Variants in ABCA6 observed in about 807,000 individuals in gnomAD.
ABCA6 encodes the protein ATP-binding cassette sub-family A member 6.
In ABCA6, 164 loss-of-function variants were observed where a neutral mutation model predicts 191.2. That is an observed-to-expected ratio of 0.86 (90% CI 0.76 to 0.98). The LOEUF is 0.98. Among genes scored for constraint, ABCA6 ranks in the 50% least tolerant of loss-of-function variants. The pLI is 0.00. For missense variants in ABCA6, 1,958 were observed against 1,894.1 expected (o/e 1.03, Z -0.63); for synonymous variants, 636 against 647.7 (o/e 0.98, Z 0.27).
chr17:69,105,321 G>C, intron 20 of ABCA6, 141 bp downstream of exon 20: 1 of 806,946 alleles, frequency 1.2e-6, no homozygotes, highest in Non-Finnish European at 1.9e-6. Context: ...AATCTGCACT[G>C]TTCCTCATAA....
chr17:69,083,255 C>CT lies in ABCA6; in HGVS notation c.4431dup (p.Ala1478SerfsTer4), dbSNP rs768462821. ...ATGATGGCCACACGGTCACACAAGGCTTCCGCCTCAGCCAGGTTATGGGTG... is the reference window on the plus strand; with the variant it reads ...ATGATGGCCACACGGTCACACAAGGCTTTCCGCCTCAGCCAGGTTATGGGTG... On this transcript the variant is annotated frameshift_variant, in exon 35 of 39. Coordinates refer to ENST00000284425, the MANE Select transcript of ABCA6 (RefSeq NM_080284.3). LOFTEE classifies it high-confidence loss of function. 3.1e-6 allele frequency: 5 copies of CT among 1,610,996 alleles called. No homozygotes were observed. The South Asian group carries it at 5.5e-5, about 18-fold the overall frequency.
Position 69,083,321 on chromosome 17 carries a change from G to C in ABCA6, c.4366C>G (p.Gln1456Glu), listed in dbSNP as rs753033213. The C allele has an allele frequency of 6.3e-7, 1 of 1,587,814 alleles. No individual in the cohort carries two copies. The highest frequency in any genetic ancestry group is 8.5e-7 in the Non-Finnish European group (1 of 1,172,828). ...CTCTCTGTGTTTTTAACGACTGCCT[G>C]GATTGCCTGCCTGCAGTGAGCAAAA... The part of the protein sequence containing the change: ...TGQQQMWQAI[Q>E]AVVKNTERGV... The change falls in exon 35 of 39, where the codon CAG becomes GAG. Residue 1456 changes from glutamine to glutamate, a missense_variant. Physicochemically the swap from Gln to Glu is conservative, Grantham distance 29. Coordinates refer to ENST00000284425, the MANE Select transcript of ABCA6 (RefSeq NM_080284.3).
chr17:69,128,549 G>A, intron 8 of ABCA6, 70 bp downstream of exon 8: 1 of 1,225,570 alleles, frequency 8.2e-7, no homozygotes. Flanking sequence ...GAGTAGTGCT[G>A]ATCCTACAGC....
In ABCA6 at chr17:69,100,900, C is replaced by G; in HGVS notation, c.2909G>C (p.Arg970Thr). 1 of 1,604,390 alleles carries G rather than the reference C, an allele frequency of 6.2e-7. No homozygotes were observed. The highest frequency in any genetic ancestry group is 8.5e-7 in the Non-Finnish European group (1 of 1,172,682). ...CATAAGAATTGGAAAACAGTGCAAT[C>G]TCTTGGTATTACACACAACTGAAAA... ...YRFSVVCNTK[R>T]LHCFPILMNI... The change falls in exon 22 of 39, where the codon AGA becomes ACA. Residue 970 changes from arginine (R) to threonine (T), a missense_variant. Transcript: ENST00000284425.
intron 10 of ABCA6, among the ~76,000 whole-genome samples, chr17:69,119,957 C>A (rs1242062833): frequency 6.6e-6 from 1 of 152,018 alleles, no homozygotes; most frequent in Non-Finnish European, 1.5e-5. Context: ...CCATAGTTAT[C>A]ACTATGAATA....
At chr17:69,135,527 A>G (rs1212320213) in intron 4 of ABCA6, 1 of 153,804 alleles carries the variant, frequency 6.5e-6, no homozygotes, top group Non-Finnish European at 1.4e-5. Flanking sequence ...CTCTCCCATT[A>G]CATTCCTTTT....
chr17:69,080,416 T>C (rs996980621), intron 37 of ABCA6, among the ~76,000 whole-genome samples: 2 of 152,092 alleles, frequency 1.3e-5, no homozygotes, highest in Admixed American at 1.3e-4. Flanking sequence ...CATTATGCTG[T>C]GCTGAGAAAT....
At chr17:69,114,671 A>C (rs1378270985) in intron 13 of ABCA6, 91 bp downstream of exon 13, 5 of 1,307,074 alleles carry the variant, frequency 3.8e-6, no homozygotes, top group Non-Finnish European at 5.2e-6. Flanking sequence ...TATTCATAAC[A>C]GGGCAAATAA....
At chr17:69,094,259 A>G (rs979079647) in intron 25 of ABCA6, 4 of 152,214 alleles carry the variant, frequency 2.6e-5, no homozygotes, top group Non-Finnish European at 5.9e-5. Flanking sequence ...TTGTTCATCT[A>G]TTCACTTGCT....
At chr17:69,118,749 G>C (rs1463243550) in intron 10 of ABCA6, among the ~76,000 whole-genome samples, 1 of 151,936 alleles carries the variant, frequency 6.6e-6, no homozygotes, top group Non-Finnish European at 1.5e-5. Flanking sequence ...AGACACATCA[G>C]CTTGATATTC....
Position 69,114,920 on chromosome 17 carries a change from T to C in ABCA6, c.1624A>G (p.Asn542Asp). The C allele has an allele frequency of 6.2e-7, 1 of 1,609,918 alleles. No individual in the cohort carries two copies. The highest frequency in any genetic ancestry group is 8.5e-7 in the Non-Finnish European group (1 of 1,177,502). Reference sequence around the variant, plus strand: ...TCTTGCATTTCAGAGAGATTTTTATTATAGATGGTAACTGATCCTAAGAAT... The same window carrying C: ...TCTTGCATTTCAGAGAGATTTTTATCATAGATGGTAACTGATCCTAAGAAT... ...VPTEGSVTIY[N>D]KNLSEMQDLE... The change falls in exon 13 of 39, where the codon AAT (asparagine) becomes GAT (aspartate). Residue 542 changes from asparagine to aspartate, a missense_variant. Coordinates refer to ENST00000284425, the MANE Select transcript of ABCA6 (RefSeq NM_080284.3).
Position 69,140,655 on chromosome 17 carries a change from A to G in ABCA6, c.49T>C (p.Cys17Arg), listed in dbSNP as rs774644532. The G allele has an allele frequency of 5.0e-6, 8 of 1,601,334 alleles. No homozygotes were observed. In the East Asian group the frequency reaches 1.8e-4, roughly 36 times the overall value. Reference sequence around the variant, plus strand: ...CTCCATTTCTTAAGAAAATTCTTGCACAGAAGTGCTTTGGTTTGCTGATAC... The same window carrying G: ...CTCCATTTCTTAAGAAAATTCTTGCGCAGAAGTGCTTTGGTTTGCTGATAC... ...SVYQQTKALL[C>R]KNFLKKWRMK... The change falls in exon 2 of 39, where the codon TGC becomes CGC. Residue 17 changes from cysteine (C) to arginine (R), a missense_variant. Cys to Arg is a radical substitution (Grantham distance 180). Coordinates refer to ENST00000284425, the MANE Select transcript of ABCA6 (RefSeq NM_080284.3).
At position 69,078,752 on chromosome 17, in the gene ABCA6, G is replaced by C; in HGVS notation, c.*221C>G. The C allele has an allele frequency of 2.8e-6, 1 of 361,716 alleles. No individual in the cohort carries two copies. The highest frequency in any genetic ancestry group is 4.9e-6 in the Non-Finnish European group (1 of 204,468). 22.4% of individuals were successfully genotyped at this position (361,716 alleles called of 1,614,324 possible). On this transcript the variant is annotated 3_prime_UTR_variant, in exon 39 of 39. Coordinates refer to ENST00000284425, the MANE Select transcript of ABCA6 (RefSeq NM_080284.3). ...CACAATACCCAGTGCCTGACTCTTT[G>C]GGTGACTTTACTAATATTTTGTATT...
intron 24 of ABCA6, 22 bp downstream of exon 24, chr17:69,096,606 G>T: frequency 6.9e-7 from 1 of 1,440,358 alleles, no homozygotes; most frequent in Non-Finnish European, 9.2e-7. Context: ...ATGAAATTTG[G>T]TTTATGTACT....
At chr17:69,121,944 C>T (rs140513538) in intron 10 of ABCA6, among the ~76,000 whole-genome samples, 40 of 151,984 alleles carry the variant, frequency 2.6e-4, no homozygotes, top group African/African-American at 8.9e-4. Context: ...AAAACTTAAA[C>T]GGAAAATTGG....
intron 32 of ABCA6, 114 bp downstream of exon 32, chr17:69,084,914 C>T: frequency 1.5e-6 from 2 of 1,325,008 alleles, no homozygotes; most frequent in Non-Finnish European, 2.0e-6. Context: ...GCCACTGACA[C>T]TCTGGAAAGG....
intron 37 of ABCA6, 76 bp from the exon 38 acceptor site, chr17:69,079,341 G>T (rs2072572678): frequency 1.1e-5 from 12 of 1,120,366 alleles, no homozygotes; most frequent in Non-Finnish European, 1.5e-5. Flanking sequence ...AAATCATAAA[G>T]AATAAAAATG....
At chr17:69,100,628 C>A (rs2073157409) in intron 22 of ABCA6, among the ~76,000 whole-genome samples, 169 bp downstream of exon 22, 1 of 46,498 alleles carries the variant, frequency 2.2e-5, no homozygotes, top group East Asian at 8.0e-4. Flanking sequence ...GATAACTTGG[C>A]AGGAAAAAAA....
At chr17:69,099,174 G>C (rs1319361348) in intron 22 of ABCA6, among the ~76,000 whole-genome samples, 1 of 152,136 alleles carries the variant, frequency 6.6e-6, no homozygotes, top group African/African-American at 2.4e-5. Context: ...GCATCCACTT[G>C]AGGCTAGGCC....
Sources: allele counts gnomAD v4.1 joint callset (sites outside exome capture counted in the v4.1 genomes callset), GRCh38; gene constraint gnomAD v4.1.1; transcripts MANE v1.5; gene names NCBI Gene and HGNC (gene_info 2026-07-23, HGNC 2026-07-21).